Variants in FAT3 observed in about 807,000 individuals in gnomAD.
The protein encoded by FAT3 is protocadherin Fat 3.
FAT3 carries 95 observed loss-of-function variants against 310.2 expected under a neutral mutation model. The observed-to-expected ratio is 0.31, with a 90% CI of 0.26 to 0.36. The LOEUF (loss-of-function observed/expected upper bound fraction) is 0.36. Among genes scored for constraint, FAT3 ranks in the 10% least tolerant of loss-of-function variants. FAT3 has a pLI of 1.00. For missense variants in FAT3, 5,408 were observed against 5,715.6 expected (o/e 0.95, Z 1.74); for synonymous variants, 2,314 against 2,192.9 (o/e 1.06, Z -1.54).
intron 9 of FAT3, among the ~76,000 whole-genome samples, chr11:92,797,351 AACTG>A (rs1947203162): frequency 6.6e-6 from 1 of 152,184 alleles, no homozygotes; most frequent in African/African-American, 2.4e-5. Context: ...ATCAGAAAAC[AACTG>A]ACTACTTTAT....
At chr11:92,506,700 A>C (rs1273775196) in intron 2 of FAT3, among the ~76,000 whole-genome samples, 2 of 152,162 alleles carry the variant, frequency 1.3e-5, no homozygotes, top group Non-Finnish European at 2.9e-5. Flanking sequence ...TGCTTAAATA[A>C]ATGTTCTTAC....
Position 92,261,550 on chromosome 11 carries a change from T to C in FAT3, c.-18+36376T>C, listed in dbSNP as rs1490611385. The stretch of plus-strand genomic sequence containing the variant: ...TTGGCTATTTTCTTATATATAGAAT[T>C]TCTGTCCAAAAATCTAACTGTGTGA... On this transcript the variant is annotated intron_variant, in intron 1 of 27. Transcript: ENST00000525166. Among the ~76,000 whole-genome samples the C allele has an allele frequency of 4.6e-5, 7 of 152,098 alleles. No homozygotes were observed. In the East Asian group the frequency reaches 1.2e-3, roughly 25 times the overall value.
chr11:92,254,655 CAG>C (rs1210232968), intron 1 of FAT3, among the ~76,000 whole-genome samples: 1 of 152,052 alleles, frequency 6.6e-6, no homozygotes, highest in Non-Finnish European at 1.5e-5. Flanking sequence ...AGGAGTCACA[CAG>C]AGCCATGGTG....
At chr11:92,533,004 A>G (rs76081355) in intron 3 of FAT3, among the ~76,000 whole-genome samples, 1,964 of 152,254 alleles carry the variant, frequency 0.013, 40 homozygotes, top group African/African-American at 0.044. Flanking sequence ...CTGCAGATGC[A>G]TAGGGACTTA....
At chr11:92,736,930 G>C (rs1354953680) in intron 4 of FAT3, among the ~76,000 whole-genome samples, 1 of 152,078 alleles carries the variant, frequency 6.6e-6, no homozygotes, top group Admixed American at 6.6e-5. Context: ...GCTGGAACCA[G>C]AGTCTGATTA....
chr11:92,669,687 A>G (rs1368960669), intron 3 of FAT3, among the ~76,000 whole-genome samples: 1 of 152,190 alleles, frequency 6.6e-6, no homozygotes, highest in Non-Finnish European at 1.5e-5. Context: ...GGTAATTAAC[A>G]GTGGTTAAGA....
Position 92,762,103 on chromosome 11 carries a change from T to C in FAT3, c.3917T>C (p.Ile1306Thr), listed in dbSNP as rs181804665. 185 of 1,613,994 alleles carry C rather than the reference T, an allele frequency of 1.1e-4. No homozygotes were observed. Among genetic ancestry groups the C allele is most frequent in the Admixed American group, 1.0e-3 (63 of 60,022 alleles). ...GGGAATGATGACGGAAAGTTCTTTATTGACCCTAAAACTGGGATGGTTTCT... is the reference window on the plus strand; with the variant it reads ...GGGAATGATGACGGAAAGTTCTTTACTGACCCTAAAACTGGGATGGTTTCT... Reference protein sequence around the residue: ...VDGNDDGKFFIDPKTGMVSSR... With the variant: ...VDGNDDGKFFTDPKTGMVSSR... Residue 1306 changes from isoleucine (I) to threonine (T), a missense_variant, in exon 5 of 28, where the codon ATT becomes ACT. Ile to Thr is a moderately conservative substitution (Grantham distance 89). This residue lies in a region of FAT3 where 4,588 missense variants were observed against 4,809.8 expected (regional missense o/e 0.95). Coordinates refer to ENST00000525166, the MANE Select transcript of FAT3 (RefSeq NM_001367949.2).
intron 6 of FAT3, among the ~76,000 whole-genome samples, chr11:92,765,809 T>G (rs1051256137): frequency 6.6e-6 from 1 of 152,054 alleles, no homozygotes; most frequent in African/African-American, 2.4e-5. Context: ...TGTTTTGACT[T>G]TTATTTCTTT....
intron 4 of FAT3, among the ~76,000 whole-genome samples, chr11:92,759,600 G>T (rs887861221): frequency 2.0e-5 from 3 of 152,076 alleles, no homozygotes; most frequent in Non-Finnish European, 4.4e-5. Context: ...TGCCCTTATG[G>T]CCTGAGGGAG....
At chr11:92,865,707 G>C (rs1305019282) in intron 21 of FAT3, among the ~76,000 whole-genome samples, 1 of 152,222 alleles carries the variant, frequency 6.6e-6, no homozygotes, top group African/African-American at 2.4e-5. Flanking sequence ...GAACAAGGTG[G>C]ACGACACAGG....
chr11:92,751,739 C>T (rs904532192), intron 4 of FAT3, among the ~76,000 whole-genome samples: 7 of 152,036 alleles, frequency 4.6e-5, no homozygotes, highest in Admixed American at 2.0e-4. Flanking sequence ...CAAAGGCACA[C>T]GTGGGAAGGG....
intron 2 of FAT3, among the ~76,000 whole-genome samples, chr11:92,465,683 G>A (rs189468528): frequency 2.0e-3 from 308 of 152,160 alleles, no homozygotes; most frequent in Admixed American, 4.3e-3. Context: ...TGGACACAGG[G>A]TGGGGAACAT....
chr11:92,357,754 GT>G (rs1023934104), intron 2 of FAT3, among the ~76,000 whole-genome samples: 1 of 151,966 alleles, frequency 6.6e-6, no homozygotes, highest in Non-Finnish European at 1.5e-5. Context: ...GAACAATTTG[GT>G]ATTAGTGGCC....
At chr11:92,444,707 C>A (rs1951170145) in intron 2 of FAT3, among the ~76,000 whole-genome samples, 1 of 150,322 alleles carries the variant, frequency 6.7e-6, no homozygotes. Flanking sequence ...TAGAAGCACA[C>A]TAATTTTTAG....
intron 4 of FAT3, among the ~76,000 whole-genome samples, chr11:92,714,553 A>G (rs765685635): frequency 6.6e-6 from 1 of 152,226 alleles, no homozygotes; most frequent in East Asian, 1.9e-4. Context: ...AGTTCTGACC[A>G]ACCTCAATCA....
intron 3 of FAT3, among the ~76,000 whole-genome samples, chr11:92,527,200 A>T (rs1051254588): frequency 6.6e-6 from 1 of 152,166 alleles, no homozygotes; most frequent in African/African-American, 2.4e-5. Flanking sequence ...ACGAAACACC[A>T]TAGAACACAG....
chr11:92,478,648 G>T (rs538153165), intron 2 of FAT3, among the ~76,000 whole-genome samples: 2 of 151,384 alleles, frequency 1.3e-5, no homozygotes, highest in Non-Finnish European at 2.9e-5. Flanking sequence ...ACAGAGTCTC[G>T]CTCTGTCCCC....
In FAT3 at chr11:92,851,439, G is replaced by A. The variant is rs374985079; in HGVS notation, c.11366-5775G>A. Among the ~76,000 whole-genome samples, 3 of 152,278 alleles carry A rather than the reference G, an allele frequency of 2.0e-5. No individual in the cohort carries two copies. In the East Asian group the frequency reaches 5.8e-4, roughly 29 times the overall value. On this transcript the variant is annotated intron_variant, in intron 19 of 27. Coordinates refer to ENST00000525166, the MANE Select transcript of FAT3 (RefSeq NM_001367949.2). Reference sequence around the variant, plus strand: ...GGAAATCGAGACCTAGAAAAGACAAGTGAGTAGTTCAAGGCCACACAGTGA... The same window carrying A: ...GGAAATCGAGACCTAGAAAAGACAAATGAGTAGTTCAAGGCCACACAGTGA...
chr11:92,415,838 A>C (rs1054257536), intron 2 of FAT3, among the ~76,000 whole-genome samples: 1 of 139,202 alleles, frequency 7.2e-6, no homozygotes, highest in Non-Finnish European at 1.5e-5. Context: ...CTTTTAGCAT[A>C]AGCATTTTTG....
Sources: allele counts gnomAD v4.1 joint callset (sites outside exome capture counted in the v4.1 genomes callset), GRCh38; gene constraint gnomAD v4.1.1; regional missense constraint gnomAD v4.1.1; transcripts MANE v1.5; gene names NCBI Gene and HGNC (gene_info 2026-07-23, HGNC 2026-07-21).